The following SUSD1 variants were observed in gnomAD, a reference collection of about 807,000 sequenced individuals.
The protein encoded by SUSD1 is sushi domain containing 1, also known as sushi domain-containing protein 1.
Under a neutral mutation model 86.9 loss-of-function variants are expected in SUSD1, and 65 were observed. That is an observed-to-expected ratio of 0.75 (90% CI 0.61 to 0.92). The LOEUF (loss-of-function observed/expected upper bound fraction) is 0.92. Among genes scored for constraint, SUSD1 ranks in the 40% least tolerant of loss-of-function variants. The pLI, the probability that SUSD1 is intolerant of heterozygous loss-of-function variation, is 0.00. For missense variants in SUSD1, 850 were observed against 929.7 expected (o/e 0.91, Z 1.11); for synonymous variants, 346 against 350.0 (o/e 0.99, Z 0.13).
chr9:112,131,150 A>G (rs1832018389), intron 5 of SUSD1, among the ~76,000 whole-genome samples: 1 of 152,230 alleles, frequency 6.6e-6, no homozygotes, highest in African/African-American at 2.4e-5. Flanking sequence ...ACCATTCGTA[A>G]AAGAGCTGAT....
chr9:112,159,266 G>A (rs758427569), intron 1 of SUSD1, among the ~76,000 whole-genome samples: 2 of 152,126 alleles, frequency 1.3e-5, no homozygotes, highest in Non-Finnish European at 2.9e-5. Flanking sequence ...AATCTTTCTA[G>A]CATTGAATTT....
At chr9:112,142,961 CTTTTTTTTTTTTTTT>C (rs529470594) in intron 4 of SUSD1, among the ~76,000 whole-genome samples, 52 of 30,216 alleles carry the variant, frequency 1.7e-3, no homozygotes, top group East Asian at 5.6e-3. Context: ...TGAATTTTAG[CTTTTTTTTTTTTTTT>C]TTTTTTTTTT....
chr9:112,080,063 C>A lies in SUSD1; in HGVS notation c.1566+11G>T. Reference sequence around the variant, plus strand: ...AACCATCTATAAATACAGTAACTTTCAGTCACTTACTAAATACATCTCCTC... The same window carrying A: ...AACCATCTATAAATACAGTAACTTTAAGTCACTTACTAAATACATCTCCTC... On this transcript the variant is annotated intron_variant, in intron 11 of 16. Coordinates refer to ENST00000374270, the MANE Select transcript of SUSD1 (RefSeq NM_022486.5). The A allele has an allele frequency of 6.3e-7, 1 of 1,591,418 alleles. No homozygotes were observed. Among genetic ancestry groups the A allele is most frequent in the Non-Finnish European group, 8.6e-7 (1 of 1,159,704 alleles).
chr9:112,083,478 T>G (rs1173128603), intron 10 of SUSD1, among the ~76,000 whole-genome samples: 1 of 152,200 alleles, frequency 6.6e-6, no homozygotes, highest in African/African-American at 2.4e-5. Flanking sequence ...TCCGCCCACC[T>G]TGGCCTCCCA....
At chr9:112,099,211 T>C (rs1001268180) in intron 9 of SUSD1, among the ~76,000 whole-genome samples, 1 of 152,100 alleles carries the variant, frequency 6.6e-6, no homozygotes, top group African/African-American at 2.4e-5. Flanking sequence ...CCTGGGTAAT[T>C]ATTTTTACAA....
At chr9:112,139,701 C>T (rs1027926125) in intron 5 of SUSD1, among the ~76,000 whole-genome samples, 3 of 150,830 alleles carry the variant, frequency 2.0e-5, no homozygotes, top group Non-Finnish European at 4.4e-5. Flanking sequence ...CTGGCCACAT[C>T]GTTATTTAAA....
intron 2 of SUSD1, among the ~76,000 whole-genome samples, chr9:112,151,020 G>A (rs539946893): frequency 6.6e-6 from 1 of 152,308 alleles, no homozygotes; most frequent in South Asian, 2.1e-4. Flanking sequence ...CTGCAGCCTT[G>A]AACTCCTGGG....
At chr9:112,084,294 G>T (rs1829885396) in intron 10 of SUSD1, among the ~76,000 whole-genome samples, 1 of 152,092 alleles carries the variant, frequency 6.6e-6, no homozygotes, top group African/African-American at 2.4e-5. Context: ...ACCTTTATGT[G>T]ATAGAATACT....
chr9:112,104,346 G>C (rs1433480454), intron 8 of SUSD1, among the ~76,000 whole-genome samples: 4 of 150,796 alleles, frequency 2.7e-5, no homozygotes, highest in Admixed American at 2.0e-4. Flanking sequence ...TAGGCAACAA[G>C]GTATATATTA....
At chr9:112,074,576 G>GT (rs1399770692) in intron 12 of SUSD1, among the ~76,000 whole-genome samples, 2 of 152,156 alleles carry the variant, frequency 1.3e-5, no homozygotes, top group Non-Finnish European at 2.9e-5. Context: ...AAGATTTAAC[G>GT]TAAGACACTC....
At chr9:112,115,808 C>CAAAAAAAAAAAAAAAAAAAAAAAA (rs1406590665) in intron 6 of SUSD1, among the ~76,000 whole-genome samples, 6 of 59,534 alleles carry the variant, frequency 1.0e-4, no homozygotes, top group East Asian at 4.3e-4. Context: ...GACTCCATTG[C>CAAAAAAAAAAAAAAAAAAAAAAAA]AAAAAAAAAA....
intron 12 of SUSD1, among the ~76,000 whole-genome samples, chr9:112,064,867 C>T (rs1439659631): frequency 6.9e-6 from 1 of 144,540 alleles, no homozygotes; most frequent in African/African-American, 2.6e-5. Flanking sequence ...CAGAGTGAGA[C>T]TCTGTCTCAG....
chr9:112,103,879 A>C (rs1188045520), intron 8 of SUSD1, among the ~76,000 whole-genome samples: 2 of 152,170 alleles, frequency 1.3e-5, no homozygotes, highest in African/African-American at 4.8e-5. Flanking sequence ...CCCATGGAAA[A>C]ATCAAGACAG....
intron 3 of SUSD1, among the ~76,000 whole-genome samples, chr9:112,148,992 T>C (rs895955352): frequency 6.6e-6 from 1 of 151,672 alleles, no homozygotes; most frequent in Non-Finnish European, 1.5e-5. Context: ...CCCCCCAAGA[T>C]TCAATCGTTG....
At chr9:112,111,932 T>C (rs926200788) in intron 7 of SUSD1, 92 bp from the exon 8 acceptor site, 1 of 1,317,172 alleles carries the variant, frequency 7.6e-7, no homozygotes, top group African/African-American at 1.5e-5. Context: ...TACTATTCTA[T>C]TTTATACTGT....
chr9:112,144,957 T>C (rs1410526575), intron 3 of SUSD1, among the ~76,000 whole-genome samples: 2 of 152,128 alleles, frequency 1.3e-5, no homozygotes, highest in African/African-American at 2.4e-5. Context: ...AAGAATTCCA[T>C]CAGCTGGGCA....
chr9:112,071,055 G>A (rs1255304240), intron 12 of SUSD1, among the ~76,000 whole-genome samples: 3 of 152,162 alleles, frequency 2.0e-5, no homozygotes, highest in Non-Finnish European at 2.9e-5. Context: ...CATGATCATA[G>A]TTCACTGCAG....
At chr9:112,082,859 G>A (rs533071875) in intron 10 of SUSD1, among the ~76,000 whole-genome samples, 3 of 151,610 alleles carry the variant, frequency 2.0e-5, no homozygotes, top group East Asian at 1.9e-4. Context: ...CTGGGACCAC[G>A]GGCACACACC....
chr9:112,100,857 G>GACACACACACACACAC (rs5899985), intron 9 of SUSD1, among the ~76,000 whole-genome samples: 3,507 of 140,384 alleles, frequency 0.025, 65 homozygotes, highest in African/African-American at 0.044. Context: ...ATTGTACCTG[G>GACACACACACACACAC]ACACACACAC....
Sources: allele counts gnomAD v4.1 joint callset (sites outside exome capture counted in the v4.1 genomes callset), GRCh38; gene constraint gnomAD v4.1.1; transcripts MANE v1.5; gene names NCBI Gene and HGNC (gene_info 2026-07-23, HGNC 2026-07-21).